The following RTL4 variants were observed in gnomAD, a reference collection of about 807,000 sequenced individuals.
RTL4 encodes the protein retrotransposon Gag-like protein 4.
Under a neutral mutation model 5.3 loss-of-function variants are expected in RTL4, and 4 were observed. The observed-to-expected ratio is 0.75, with a 90% CI of 0.37 to 1.72. The LOEUF (loss-of-function observed/expected upper bound fraction) is 1.72, where lower values mean the gene tolerates loss of function less well. Among genes scored for constraint, RTL4 ranks in the 40% most tolerant of loss-of-function variants. The probability of loss-of-function intolerance (pLI) is 0.04; values close to 1 mark genes in which losing one functional copy is unlikely to be tolerated. For missense variants in RTL4, 260 were observed against 227.1 expected (o/e 1.14, Z -0.93); for synonymous variants, 98 against 87.3 (o/e 1.12, Z -0.68).
the RTL4 span, among the ~76,000 whole-genome samples, chrX:112,153,860 T>A: frequency 9.0e-6 from 1 of 111,430 alleles, no homozygotes; most frequent in African/African-American, 3.3e-5. Flanking sequence ...TTTAGATGTG[T>A]GAAGTTAAGA....
chrX:112,098,866 C>T, the RTL4 span, among the ~76,000 whole-genome samples: 1 of 111,939 alleles, frequency 8.9e-6, no homozygotes, highest in South Asian at 3.7e-4. Context: ...TTCCTTACAC[C>T]TTATACAAAA....
At chrX:112,290,665 C>T in the RTL4 span, among the ~76,000 whole-genome samples, 5 of 112,477 alleles carry the variant, frequency 4.4e-5, no homozygotes, top group Admixed American at 2.8e-4. Context: ...TAAGCTTAGA[C>T]ACATAGCTGA....
At chrX:112,240,832 C>T in the RTL4 span, among the ~76,000 whole-genome samples, 16,643 of 109,531 alleles carry the variant, frequency 0.15, 915 homozygotes, top group Non-Finnish European at 0.17. Flanking sequence ...CCCCACCGCA[C>T]GACAGACCCC....
At chrX:112,131,602 T>C in the RTL4 span, among the ~76,000 whole-genome samples, 1 of 112,140 alleles carries the variant, frequency 8.9e-6, no homozygotes, top group East Asian at 2.8e-4. Flanking sequence ...AATGCCTTTT[T>C]TCCCCCTTCA....
the RTL4 span, among the ~76,000 whole-genome samples, chrX:112,114,169 G>A: frequency 1.8e-5 from 2 of 111,463 alleles, no homozygotes; most frequent in African/African-American, 6.5e-5. Flanking sequence ...CCTGAGTTAT[G>A]GTGGACATCA....
the RTL4 span, among the ~76,000 whole-genome samples, chrX:112,213,477 G>A: frequency 0.015 from 1,641 of 112,366 alleles, 21 homozygotes; most frequent in Non-Finnish European, 0.022. Context: ...TATACTTGGC[G>A]CTGGCCAGAC....
chrX:112,406,150 C>A, the RTL4 span, among the ~76,000 whole-genome samples: 1 of 111,603 alleles, frequency 9.0e-6, no homozygotes, highest in Non-Finnish European at 1.9e-5. Context: ...GAAGTCTAAG[C>A]CACAATGACT....
chrX:112,196,845 A>G, the RTL4 span, among the ~76,000 whole-genome samples: 12 of 110,706 alleles, frequency 1.1e-4, no homozygotes, highest in Non-Finnish European at 2.1e-4. Flanking sequence ...TTTTTCTTAA[A>G]CTGTTGAATT....
At chrX:112,392,746 G>A in the RTL4 span, among the ~76,000 whole-genome samples, 3 of 111,263 alleles carry the variant, frequency 2.7e-5, no homozygotes, top group African/African-American at 6.5e-5. Context: ...GTCAGTTGGA[G>A]AACACCGATG....
chrX:112,452,192 G>A (rs1386787639), upstream of RTL4, among the ~76,000 whole-genome samples: 2 of 105,230 alleles, frequency 1.9e-5, no homozygotes, highest in Non-Finnish European at 3.9e-5. Context: ...CCAGGTTCAA[G>A]CGATTCTCCT....
At chrX:112,359,799 C>CTT in the RTL4 span, among the ~76,000 whole-genome samples, 4 of 111,296 alleles carry the variant, frequency 3.6e-5, no homozygotes, top group Non-Finnish European at 1.9e-5. Flanking sequence ...CCTGAAGCCA[C>CTT]TTTCCCAGGT....
At chrX:112,408,918 T>A in the RTL4 span, among the ~76,000 whole-genome samples, 1 of 112,009 alleles carries the variant, frequency 8.9e-6, no homozygotes, top group Non-Finnish European at 1.9e-5. Flanking sequence ...GCATAGTATA[T>A]CCAGTGAAAG....
At chrX:112,118,915 C>T in the RTL4 span, among the ~76,000 whole-genome samples, 2 of 110,908 alleles carry the variant, frequency 1.8e-5, no homozygotes, top group Non-Finnish European at 3.8e-5. Context: ...GATGGAGTCT[C>T]GCTCTGTCAC....
chrX:112,424,982 T>C, the RTL4 span, among the ~76,000 whole-genome samples: 1 of 111,245 alleles, frequency 9.0e-6, no homozygotes, highest in African/African-American at 3.3e-5. Context: ...CTTGCTGTTG[T>C]ACATTCTATG....
At chrX:112,200,099 A>G in the RTL4 span, among the ~76,000 whole-genome samples, 1 of 112,159 alleles carries the variant, frequency 8.9e-6, no homozygotes, top group East Asian at 2.8e-4. Context: ...ACTCAAACCT[A>G]GAGGAAGGAG....
chrX:112,145,339 G>A, the RTL4 span, among the ~76,000 whole-genome samples: 2 of 111,694 alleles, frequency 1.8e-5, no homozygotes, highest in Admixed American at 1.9e-4. Context: ...GTGAATTAAT[G>A]TCAGGGTGTG....
At chrX:112,218,875 T>C in the RTL4 span, among the ~76,000 whole-genome samples, 1 of 112,407 alleles carries the variant, frequency 8.9e-6, no homozygotes, top group Non-Finnish European at 1.9e-5. Context: ...GGATTTATGT[T>C]ACTTCTAAGA....
the RTL4 span, among the ~76,000 whole-genome samples, chrX:112,190,879 G>A: frequency 2.7e-5 from 3 of 111,791 alleles, no homozygotes; most frequent in Admixed American, 9.5e-5. Flanking sequence ...GTGGTAACTC[G>A]GTGCTACGGC....
the RTL4 span, among the ~76,000 whole-genome samples, chrX:112,213,156 G>A: frequency 8.9e-5 from 10 of 112,786 alleles, no homozygotes. Flanking sequence ...AAATGCCTAG[G>A]CAGCTACTTG....
Sources: gnomAD v4.1 joint callset for allele counts (sites outside exome capture counted in the v4.1 genomes callset) on GRCh38, gnomAD v4.1.1 for gene constraint, MANE v1.5 for transcripts, NCBI Gene and HGNC (gene_info 2026-07-23, HGNC 2026-07-21) for gene names.